ZNF609: variants seen among roughly 807,000 people sequenced by gnomAD.
The protein encoded by ZNF609 is zinc finger protein 609.
Under a neutral mutation model 109.5 loss-of-function variants are expected in ZNF609, and 11 were observed. That is an observed-to-expected ratio of 0.10 (90% CI 0.06 to 0.17). The LOEUF (loss-of-function observed/expected upper bound fraction) is 0.17. Ranked by LOEUF, ZNF609 falls within the 10% of genes least tolerant of loss-of-function variation. ZNF609 has a pLI of 1.00. For missense variants in ZNF609, 1,559 were observed against 1,772.4 expected (o/e 0.88, Z 2.16); for synonymous variants, 646 against 662.0 (o/e 0.98, Z 0.37).
At chr15:64,676,864 C>T (rs1248175466) in intron 5 of ZNF609, among the ~76,000 whole-genome samples, 2 of 151,990 alleles carry the variant, frequency 1.3e-5, no homozygotes, top group Admixed American at 1.3e-4. Flanking sequence ...CACGATTCTC[C>T]TGCCTCAGCC....
At chr15:64,470,127 G>A (rs1893073263) in intron 1 of ZNF609, 1 of 152,074 alleles carries the variant, frequency 6.6e-6, no homozygotes, top group African/African-American at 2.4e-5. Context: ...TTTTTGACAG[G>A]GTCTTACCCA....
chr15:64,588,458 G>A (rs1004617238), intron 2 of ZNF609, among the ~76,000 whole-genome samples: 2 of 106,284 alleles, frequency 1.9e-5, no homozygotes, highest in Non-Finnish European at 3.9e-5. Flanking sequence ...GAGGAAGACT[G>A]TACAGACTAC....
chr15:64,578,217 C>T (rs475466), intron 2 of ZNF609, among the ~76,000 whole-genome samples: 131,223 of 151,612 alleles, frequency 0.87, 58,057 homozygotes, highest in East Asian at 0.96. Context: ...TGATCTCAGC[C>T]CACTGCGCCC....
intron 2 of ZNF609, among the ~76,000 whole-genome samples, chr15:64,609,116 C>CTTTCTTTCTT (rs1895668916): frequency 3.3e-5 from 1 of 30,056 alleles, no homozygotes; most frequent in African/African-American, 6.1e-5. Flanking sequence ...TTCTTTCTTT[C>CTTTCTTTCTT]TTTCTTTCTT....
At chr15:64,467,867 T>C (rs1893036808) in intron 1 of ZNF609, among the ~76,000 whole-genome samples, 1 of 152,156 alleles carries the variant, frequency 6.6e-6, no homozygotes, top group South Asian at 2.1e-4. Flanking sequence ...AATATGTGCC[T>C]TAAGTAACCC....
At chr15:64,538,602 A>G (rs1894192648) in intron 2 of ZNF609, among the ~76,000 whole-genome samples, 1 of 152,174 alleles carries the variant, frequency 6.6e-6, no homozygotes, top group African/African-American at 2.4e-5. Flanking sequence ...GCTGGGGTGC[A>G]GTGGGGCGAT....
At chr15:64,516,577 C>A (rs1293364752) in intron 2 of ZNF609, among the ~76,000 whole-genome samples, 3 of 152,144 alleles carry the variant, frequency 2.0e-5, no homozygotes, top group Non-Finnish European at 4.4e-5. Flanking sequence ...GGGGTTTCAC[C>A]ATGTCGCCCA....
chr15:64,672,891 G>A (rs1896756373), intron 4 of ZNF609, among the ~76,000 whole-genome samples: 3 of 150,394 alleles, frequency 2.0e-5, no homozygotes, highest in Non-Finnish European at 4.4e-5. Flanking sequence ...TTGAACTAGG[G>A]AGTTGGAGGT....
chr15:64,573,479 C>G (rs759540553), intron 2 of ZNF609, among the ~76,000 whole-genome samples: 8 of 150,614 alleles, frequency 5.3e-5, no homozygotes, highest in Admixed American at 3.3e-4. Context: ...CTCAGCCTCC[C>G]GAGTAGCTGG....
intron 2 of ZNF609, among the ~76,000 whole-genome samples, chr15:64,524,811 GT>G (rs1158186181): frequency 6.6e-6 from 1 of 151,906 alleles, no homozygotes; most frequent in South Asian, 2.1e-4. Flanking sequence ...TATGTCTTCA[GT>G]TTTTTTTATT....
intron 3 of ZNF609, among the ~76,000 whole-genome samples, chr15:64,655,510 AATAT>A (rs1224940187): frequency 6.6e-6 from 1 of 151,760 alleles, no homozygotes; most frequent in Non-Finnish European, 1.5e-5. Context: ...ACAAAACAAT[AATAT>A]ATATAATATA....
At chr15:64,515,919 C>T (rs1250224707) in intron 2 of ZNF609, among the ~76,000 whole-genome samples, 2 of 133,410 alleles carry the variant, frequency 1.5e-5, no homozygotes, top group African/African-American at 5.7e-5. Context: ...GCTTGGGCAG[C>T]AAAGGCGAAA....
intron 2 of ZNF609, among the ~76,000 whole-genome samples, chr15:64,549,744 C>T (rs1218793087): frequency 2.0e-5 from 3 of 151,960 alleles, no homozygotes; most frequent in Non-Finnish European, 4.4e-5. Context: ...CCATCTTAAC[C>T]ATTGATTTTT....
At chr15:64,649,972 A>G (rs1896390209) in intron 3 of ZNF609, among the ~76,000 whole-genome samples, 1 of 152,122 alleles carries the variant, frequency 6.6e-6, no homozygotes, top group African/African-American at 2.4e-5. Flanking sequence ...ACTTTGACAC[A>G]TCACATAAGA....
chr15:64,654,863 G>A (rs557752634), intron 3 of ZNF609, among the ~76,000 whole-genome samples: 2 of 151,694 alleles, frequency 1.3e-5, no homozygotes, highest in South Asian at 2.1e-4. Context: ...TTGGGAGGCC[G>A]AGGCAGGTGG....
chr15:64,545,870 T>C (rs1199608953), intron 2 of ZNF609, among the ~76,000 whole-genome samples: 1 of 152,226 alleles, frequency 6.6e-6, no homozygotes, highest in Admixed American at 6.5e-5. Context: ...CTGAGTACTA[T>C]TTCATTGTAT....
chr15:64,502,512 A>G (rs1026081032), intron 2 of ZNF609: 1 of 152,314 alleles, frequency 6.6e-6, no homozygotes, highest in Middle Eastern at 3.4e-3. Flanking sequence ...ACTATAATTT[A>G]TAAGCAAAGT....
At chr15:64,601,549 C>T (rs572532854) in intron 2 of ZNF609, among the ~76,000 whole-genome samples, 2 of 152,330 alleles carry the variant, frequency 1.3e-5, no homozygotes, top group East Asian at 3.9e-4. Flanking sequence ...GATGAATGTG[C>T]TTAAGCAGAG....
At position 64,673,975 on chromosome 15, in the gene ZNF609, G is replaced by T; in HGVS notation, c.1121G>T (p.Arg374Leu). 6.2e-7 allele frequency: 1 copy of T among 1,614,098 alleles called. No homozygotes were observed. The highest frequency in any genetic ancestry group is 8.5e-7 in the Non-Finnish European group (1 of 1,180,030). Residue 374 changes from arginine (R) to leucine (L), a missense_variant, in exon 5 of 10, where the codon CGC (arginine) becomes CTC (leucine). Around this residue, in one of 4 missense-constraint regions of ZNF609, gnomAD observed 1,204 missense variants for 1,314.1 expected, o/e 0.92. Coordinates refer to ENST00000326648, the MANE Select transcript of ZNF609 (RefSeq NM_015042.2). ...CGCAATGGCCGGGGTAGAGGCAAAC[G>T]CATGCGTCCCAACAGTAATACACCT... ...EMRNGRGRGK[R>L]MRPNSNTPVN...
Sources: gnomAD v4.1 joint callset for allele counts (sites outside exome capture counted in the v4.1 genomes callset) on GRCh38, gnomAD v4.1.1 for gene constraint, gnomAD v4.1.1 regional missense constraint, MANE v1.5 for transcripts, NCBI Gene and HGNC (gene_info 2026-07-23, HGNC 2026-07-21) for gene names.